CNTNAP2: variants seen among roughly 807,000 people sequenced by gnomAD.
CNTNAP2 encodes contactin-associated protein-like 2.
CNTNAP2 carries 98 observed loss-of-function variants against 155.2 expected under a neutral mutation model. That is an observed-to-expected ratio of 0.63 (90% confidence interval 0.54 to 0.75). The LOEUF is 0.75. CNTNAP2 is among the 30% of genes least tolerant of loss of function. The pLI, the probability that CNTNAP2 is intolerant of heterozygous loss-of-function variation, is 0.00. For synonymous variants in CNTNAP2, 651 were observed against 631.2 expected (o/e 1.03, Z -0.47); for missense variants, 1,727 against 1,688.1 (o/e 1.02, Z -0.40).
At chr7:146,163,337 G>A (rs1584780964) in intron 1 of CNTNAP2, among the ~76,000 whole-genome samples, 1 of 151,456 alleles carries the variant, frequency 6.6e-6, no homozygotes, top group East Asian at 1.9e-4. Flanking sequence ...ATTTTGGGAG[G>A]TTGAGGTGGG....
intron 1 of CNTNAP2, among the ~76,000 whole-genome samples, chr7:146,366,258 A>T (rs1008180265): frequency 2.6e-5 from 4 of 151,782 alleles, no homozygotes; most frequent in Non-Finnish European, 5.9e-5. Context: ...TCTTAAAATA[A>T]TTTTTTTTAT....
rs11981879 is a variant in CNTNAP2 at position 146,985,542 on chromosome 7, G to C, written c.403-58365G>C. ...TCACCATGTTAGCCAGGATGGTCTC[G>C]ATCTCCTGACCTCGTGATCCACTCG... On this transcript the variant is annotated intron_variant, in intron 3 of 23. Coordinates refer to ENST00000361727, the MANE Select transcript of CNTNAP2 (RefSeq NM_014141.6). 9.1e-3 allele frequency among the ~76,000 whole-genome samples: 1,376 copies of C among 151,894 alleles called. 18 individuals carry two copies. The highest frequency in any genetic ancestry group is 0.032 in the African/African-American group (1,332 of 41,446).
intron 1 of CNTNAP2, among the ~76,000 whole-genome samples, chr7:146,747,555 C>T (rs1042478586): frequency 6.6e-5 from 10 of 152,080 alleles, no homozygotes; most frequent in African/African-American, 2.4e-4. Flanking sequence ...TACAATTTTT[C>T]TAAATGTTCA....
chr7:147,170,965 C>T (rs1001768098), intron 8 of CNTNAP2, among the ~76,000 whole-genome samples: 1 of 152,094 alleles, frequency 6.6e-6, no homozygotes. Flanking sequence ...GATGGAGAGC[C>T]CTGAGAGACG....
At chr7:147,759,418 G>T (rs148477293) in intron 13 of CNTNAP2, among the ~76,000 whole-genome samples, 65 of 152,218 alleles carry the variant, frequency 4.3e-4, no homozygotes, top group African/African-American at 1.5e-3. Flanking sequence ...GAGTACCTCC[G>T]GTTTACCATT....
At chr7:146,219,043 C>T (rs946575309) in intron 1 of CNTNAP2, among the ~76,000 whole-genome samples, 6 of 152,174 alleles carry the variant, frequency 3.9e-5, no homozygotes, top group African/African-American at 1.4e-4. Flanking sequence ...GGAAACTTAA[C>T]AATCATGGCA....
intron 13 of CNTNAP2, among the ~76,000 whole-genome samples, chr7:147,898,531 T>C (rs1485729900): frequency 7.2e-6 from 1 of 138,874 alleles, no homozygotes; most frequent in Non-Finnish European, 1.6e-5. Context: ...GATTTTTTTT[T>C]CTTTTTTTTT....
intron 3 of CNTNAP2, among the ~76,000 whole-genome samples, chr7:146,951,534 C>T (rs1041184232): frequency 6.6e-6 from 1 of 152,226 alleles, no homozygotes; most frequent in Non-Finnish European, 1.5e-5. Context: ...TTTCCCAACA[C>T]CATTTATTAA....
At chr7:147,363,494 G>A (rs982227783) in intron 9 of CNTNAP2, among the ~76,000 whole-genome samples, 1 of 152,054 alleles carries the variant, frequency 6.6e-6, no homozygotes, top group African/African-American at 2.4e-5. Flanking sequence ...TTTTCTAACT[G>A]CACATTAGCT....
intron 20 of CNTNAP2, among the ~76,000 whole-genome samples, chr7:148,262,576 C>T (rs1796583070): frequency 6.6e-6 from 1 of 152,142 alleles, no homozygotes; most frequent in Non-Finnish European, 1.5e-5. Context: ...CCTCACGTCA[C>T]TCTAACTTCT....
intron 12 of CNTNAP2, among the ~76,000 whole-genome samples, chr7:147,616,673 C>T (rs1030629949): frequency 2.0e-5 from 3 of 152,124 alleles, no homozygotes; most frequent in Non-Finnish European, 2.9e-5. Context: ...CAATCATTCT[C>T]CTTCCACTTA....
chr7:146,763,453 A>T lies in CNTNAP2; in HGVS notation c.98-10818A>T, dbSNP rs964048979. Among the ~76,000 whole-genome samples the T allele has an allele frequency of 2.0e-5, 3 of 151,822 alleles. No homozygotes were observed. The South Asian group carries it at 6.2e-4, about 32-fold the overall frequency. ...ATTAACACCATCTGAAATACTGTGT[A>T]TTTTTTTTATTATTTACTATAATAT... On this transcript the variant is annotated intron_variant, in intron 1 of 23. Transcript: ENST00000361727.
chr7:147,531,231 G>A (rs1424146482), intron 11 of CNTNAP2, among the ~76,000 whole-genome samples: 1 of 152,154 alleles, frequency 6.6e-6, no homozygotes, highest in Non-Finnish European at 1.5e-5. Flanking sequence ...ACATTTTGGG[G>A]TCTGGAGGAT....
At chr7:146,343,915 G>C (rs1031524668) in intron 1 of CNTNAP2, among the ~76,000 whole-genome samples, 4 of 151,964 alleles carry the variant, frequency 2.6e-5, no homozygotes, top group Non-Finnish European at 5.9e-5. Context: ...AAATTGTACA[G>C]TAATTTTTCT....
chr7:148,269,715 T>C (rs1796740076), intron 21 of CNTNAP2, among the ~76,000 whole-genome samples: 1 of 152,236 alleles, frequency 6.6e-6, no homozygotes. Flanking sequence ...TATTTGAAAG[T>C]TGAGCGATGC....
chr7:146,325,308 T>C (rs2129093526), intron 1 of CNTNAP2, among the ~76,000 whole-genome samples: 1 of 152,318 alleles, frequency 6.6e-6, no homozygotes, highest in South Asian at 2.1e-4. Flanking sequence ...CATAAGTTTC[T>C]TAAAATGTAC....
At position 147,043,470 on chromosome 7, in the gene CNTNAP2, T is replaced by A. The variant is rs189807205; in HGVS notation, c.403-437T>A. On this transcript the variant is annotated intron_variant, in intron 3 of 23. Coordinates refer to ENST00000361727, the MANE Select transcript of CNTNAP2 (RefSeq NM_014141.6). ...CTCTTCACAACGTGTTCAATTGTTC[T>A]TCTTCTCTCACTAATGTTGAAATGT... is the stretch of plus-strand genomic sequence containing the variant. 3.0e-3 allele frequency among the ~76,000 whole-genome samples: 457 copies of A among 152,324 alleles called. 11 individuals carry two copies. Among genetic ancestry groups the A allele is most frequent in the Admixed American group, 0.026 (399 of 15,300 alleles).
At chr7:147,260,064 C>T (rs992567759) in intron 8 of CNTNAP2, among the ~76,000 whole-genome samples, 3 of 152,048 alleles carry the variant, frequency 2.0e-5, no homozygotes, top group Admixed American at 6.6e-5. Context: ...AGTGGATTTC[C>T]GAACAGAAAA....
chr7:147,030,687 T>C (rs1381777938), intron 3 of CNTNAP2, among the ~76,000 whole-genome samples: 5 of 152,178 alleles, frequency 3.3e-5, no homozygotes, highest in Admixed American at 3.3e-4. Context: ...AATTACTAGT[T>C]AGCTGACTTA....
Sources: allele counts gnomAD v4.1 joint callset (sites outside exome capture counted in the v4.1 genomes callset), GRCh38; gene constraint gnomAD v4.1.1; transcripts MANE v1.5; gene names NCBI Gene and HGNC (gene_info 2026-07-23, HGNC 2026-07-21).